The following CDH8 variants were observed in gnomAD, a reference collection of about 807,000 sequenced individuals.
CDH8 encodes the protein cadherin-8.
A neutral mutation model predicts 68.1 loss-of-function variants in CDH8; 17 were observed. The observed-to-expected ratio is 0.25, with a 90% CI of 0.17 to 0.37. The LOEUF (loss-of-function observed/expected upper bound fraction) is 0.37, where lower values mean the gene tolerates loss of function less well. CDH8 is among the 10% of genes least tolerant of loss of function. The pLI, the probability that CDH8 is intolerant of heterozygous loss-of-function variation, is 1.00. For synonymous variants in CDH8, 372 were observed against 365.1 expected, an observed-to-expected ratio of 1.02 and a Z score of -0.21; for missense variants, 763 against 999.3, an observed-to-expected ratio of 0.76 and a Z score of 3.19.
intron 2 of CDH8, among the ~76,000 whole-genome samples, chr16:61,933,895 A>G (rs1964586680): frequency 6.6e-6 from 1 of 152,206 alleles, no homozygotes; most frequent in Non-Finnish European, 1.5e-5. Context: ...GAACAATTTT[A>G]AAAATACATG....
At chr16:61,733,719 A>AT (rs201942922) in intron 8 of CDH8, among the ~76,000 whole-genome samples, 3,524 of 151,758 alleles carry the variant, frequency 0.023, 68 homozygotes, top group Non-Finnish European at 0.035. Context: ...CCAGCTGTTA[A>AT]TTTTTTTGTC....
At chr16:61,796,218 A>C (rs1961498389) in intron 7 of CDH8, among the ~76,000 whole-genome samples, 1 of 152,084 alleles carries the variant, frequency 6.6e-6, no homozygotes, top group African/African-American at 2.4e-5. Flanking sequence ...TTTGGATCCT[A>C]CTTTTCACAT....
intron 2 of CDH8, among the ~76,000 whole-genome samples, chr16:61,959,598 G>A (rs572399547): frequency 2.0e-5 from 3 of 148,546 alleles, no homozygotes; most frequent in African/African-American, 4.9e-5. Flanking sequence ...GTGTGTGTGT[G>A]TATATATATA....
At chr16:61,908,927 C>A (rs1397126) in intron 2 of CDH8, among the ~76,000 whole-genome samples, 2 of 151,804 alleles carry the variant, frequency 1.3e-5, no homozygotes, top group Non-Finnish European at 2.9e-5. Flanking sequence ...ATCACATAGT[C>A]TAAGGAAAAA....
intron 8 of CDH8, among the ~76,000 whole-genome samples, chr16:61,787,046 C>T (rs374921034): frequency 2.9e-5 from 4 of 139,796 alleles, no homozygotes; most frequent in East Asian, 2.1e-4. Context: ...ACTTCATGTC[C>T]AAAACACCAA....
intron 10 of CDH8, among the ~76,000 whole-genome samples, chr16:61,672,386 G>T (rs2142781407): frequency 6.6e-6 from 1 of 151,980 alleles, no homozygotes; most frequent in Non-Finnish European, 1.5e-5. Context: ...ATTTTTATTT[G>T]CATACCAATC....
chr16:61,979,421 T>C (rs1965494368), intron 2 of CDH8, among the ~76,000 whole-genome samples: 2 of 152,146 alleles, frequency 1.3e-5, no homozygotes, highest in South Asian at 4.1e-4. Context: ...AACAGATACT[T>C]TGCATGGGTG....
chr16:61,901,498 A>T, intron 2 of CDH8, 25 bp from the exon 3 acceptor site: 1 of 1,570,824 alleles, frequency 6.4e-7, no homozygotes, highest in Non-Finnish European at 8.7e-7. Flanking sequence ...GGCATTAGTT[A>T]GTGATGGAGC....
intron 4 of CDH8, among the ~76,000 whole-genome samples, chr16:61,836,773 C>T (rs1401013936): frequency 5.3e-5 from 8 of 151,938 alleles, no homozygotes. Context: ...GGCTTTCTAC[C>T]ACTGTCATGC....
chr16:61,837,157 A>G (rs1962586005), intron 4 of CDH8, among the ~76,000 whole-genome samples: 1 of 151,614 alleles, frequency 6.6e-6, no homozygotes, highest in Non-Finnish European at 1.5e-5. Context: ...TCCTCCCCTT[A>G]TGCCTCTTCT....
intron 10 of CDH8, among the ~76,000 whole-genome samples, chr16:61,712,526 C>A (rs928063596): frequency 6.6e-6 from 1 of 151,624 alleles, no homozygotes. Context: ...CACAGACTTC[C>A]AGTTCAGTTT....
At chr16:62,008,160 C>A (rs1398490516) in intron 2 of CDH8, among the ~76,000 whole-genome samples, 1 of 151,758 alleles carries the variant, frequency 6.6e-6, no homozygotes, top group Non-Finnish European at 1.5e-5. Context: ...TGGTCTCAAA[C>A]TCCTGGGCTC....
chr16:61,933,366 T>C (rs773738053), intron 2 of CDH8, among the ~76,000 whole-genome samples: 4 of 152,160 alleles, frequency 2.6e-5, no homozygotes, highest in Admixed American at 6.5e-5. Context: ...GGCATAGATA[T>C]ATTAGGGATA....
chr16:61,951,048 A>C (rs2143584687), intron 2 of CDH8, among the ~76,000 whole-genome samples: 1 of 152,144 alleles, frequency 6.6e-6, no homozygotes, highest in Admixed American at 6.5e-5. Flanking sequence ...CCTAAAATAA[A>C]AGTTAAAAAA....
chr16:61,719,510 G>A (rs1004927945), intron 9 of CDH8, among the ~76,000 whole-genome samples: 1 of 149,398 alleles, frequency 6.7e-6, no homozygotes, highest in African/African-American at 2.4e-5. Context: ...TGTGTACTTT[G>A]TATACTACTG....
At position 61,655,576 on chromosome 16, in the gene CDH8, G is replaced by A. The variant is rs778088256; in HGVS notation, c.1800C>T (p.Ser600=). 2.3e-5 allele frequency: 37 copies of A among 1,614,052 alleles called. No individual in the cohort carries two copies. Among genetic ancestry groups the A allele is most frequent in the Non-Finnish European group, 3.0e-5 (35 of 1,180,040 alleles). ...TGCAAGACTGGACGACACCGTCATT[G>A]CTGCAGCCACAGACCCTGATTGTCA... is the stretch of plus-strand genomic sequence containing the variant. ...STLTIRVCGC[S]NDGVVQSCNV... Residue 600 remains serine, a synonymous_variant, in exon 11 of 12, where the codon AGC becomes AGT. Transcript: ENST00000577390.
chr16:61,878,750 G>A (rs1172812598), intron 3 of CDH8, among the ~76,000 whole-genome samples: 1 of 152,064 alleles, frequency 6.6e-6, no homozygotes, highest in East Asian at 1.9e-4. Flanking sequence ...ATTTGCTGCA[G>A]GCACATTAGT....
chr16:61,991,548 A>C (rs1328300686), intron 2 of CDH8, among the ~76,000 whole-genome samples: 1 of 152,218 alleles, frequency 6.6e-6, no homozygotes, highest in Non-Finnish European at 1.5e-5. Flanking sequence ...ATTTGGAGGC[A>C]GATGGAGAAT....
At chr16:61,787,747 A>C (rs895835869) in intron 8 of CDH8, among the ~76,000 whole-genome samples, 99 of 151,214 alleles carry the variant, frequency 6.5e-4, no homozygotes, top group Non-Finnish European at 1.3e-3. Flanking sequence ...TACATCATGG[A>C]ATACTATGCA....
Sources: allele counts gnomAD v4.1 joint callset (sites outside exome capture counted in the v4.1 genomes callset), GRCh38; gene constraint gnomAD v4.1.1; transcripts MANE v1.5; gene names NCBI Gene and HGNC (gene_info 2026-07-23, HGNC 2026-07-21).